Variants in CBR4 observed in about 807,000 individuals in gnomAD.
CBR4 encodes the protein carbonyl reductase 4, also known as 3-oxoacyl-[acyl-carrier-protein] reductase.
In CBR4, 22 loss-of-function variants were observed where a neutral mutation model predicts 21.0. That is an observed-to-expected ratio of 1.05 (90% CI 0.75 to 1.50). The LOEUF is 1.50. Among genes scored for constraint, CBR4 ranks in the 40% most tolerant of loss-of-function variants. The pLI, the probability that CBR4 is intolerant of heterozygous loss-of-function variation, is 0.00. For synonymous variants in CBR4, 100 were observed against 104.4 expected, an observed-to-expected ratio of 0.96 and a Z score of 0.26; for missense variants, 302 against 286.3, an observed-to-expected ratio of 1.05 and a Z score of -0.40.
chr4:168,980,074 A>G (rs2331450), intron 2 of CBR4, among the ~76,000 whole-genome samples: 105,632 of 151,790 alleles, frequency 0.7, 38,181 homozygotes, highest in East Asian at 0.96. Flanking sequence ...GGGTGCAACC[A>G]AAAGAGACAC....
chr4:168,967,904 G>A (rs1021962250), intron 2 of CBR4, among the ~76,000 whole-genome samples: 21 of 152,224 alleles, frequency 1.4e-4, no homozygotes, highest in African/African-American at 4.6e-4. Context: ...GAGTATGGGA[G>A]GAAACATGAT....
intron 3 of CBR4, chr4:169,005,959 T>C (rs1579029161): frequency 8.4e-7 from 1 of 1,188,386 alleles, no homozygotes; most frequent in Non-Finnish European, 1.1e-6. Context: ...GATGGTATAC[T>C]ATTATTTCCA....
At chr4:168,905,535 T>G (rs1757546621) in intron 2 of CBR4, among the ~76,000 whole-genome samples, 1 of 152,100 alleles carries the variant, frequency 6.6e-6, no homozygotes, top group African/African-American at 2.4e-5. Context: ...AAATATATTT[T>G]TCTGCAATAA....
In CBR4 at chr4:168,978,527, C is replaced by G. The variant is rs191231355; in HGVS notation, n.169+23544G>C. On this transcript the variant is annotated intron_variant and non_coding_transcript_variant, in intron 2 of 3. Coordinates refer to the CBR4 transcript ENST00000509108. ...GGCACAGTGCCAAGTGAGGCTCCCC[C>G]CTGCAGGAAAATGGTGAATAAGAGC... is the stretch of plus-strand genomic sequence containing the variant. Among the ~76,000 whole-genome samples, 513 of 152,290 alleles carry G rather than the reference C, an allele frequency of 3.4e-3. No homozygotes were observed. The Middle Eastern group carries it at 0.051, about 15-fold the overall frequency.
At position 168,989,605 on chromosome 4, in the gene CBR4, T is replaced by C. The variant is rs1419171276; in HGVS notation, c.*545A>G. 3 of 985,222 alleles carry C rather than the reference T, an allele frequency of 3.0e-6. No individual in the cohort carries two copies. Among genetic ancestry groups the C allele is most frequent in the East Asian group, 2.3e-4 (2 of 8,832 alleles). 61.0% of individuals were successfully genotyped at this position (985,222 alleles called of 1,614,324 possible). A position where few individuals can be genotyped will look rare whatever the true frequency, so the allele number is the denominator to read the frequency against. On this transcript the variant is annotated 3_prime_UTR_variant, in exon 5 of 5. Transcript: ENST00000306193. ...CTAATCAGTGTCCTCTAAATACTCTTATTTTGGCAACAGCCCACAAGGTTA... is the reference window on the plus strand; with the variant it reads ...CTAATCAGTGTCCTCTAAATACTCTCATTTTGGCAACAGCCCACAAGGTTA...
intron 2 of CBR4, among the ~76,000 whole-genome samples, chr4:168,939,074 C>G (rs1231025085): frequency 6.6e-6 from 1 of 152,182 alleles, no homozygotes; most frequent in East Asian, 1.9e-4. Flanking sequence ...CAGAATCCAG[C>G]AGCACATCAA....
chr4:168,928,454 T>TTTAG, intron 2 of CBR4: 1 of 176,992 alleles, frequency 5.6e-6, no homozygotes, highest in East Asian at 9.5e-5. Context: ...AATATTCAGT[T>TTTAG]TTAGTTTTCT....
rs567487860 is a variant in CBR4 at position 168,957,792 on chromosome 4, A to G, written n.169+44279T>C. Among the ~76,000 whole-genome samples, 11 of 152,154 alleles carry G rather than the reference A, an allele frequency of 7.2e-5. No individual in the cohort carries two copies. The East Asian group carries it at 2.1e-3, about 29-fold the overall frequency. On this transcript the variant is annotated intron_variant and non_coding_transcript_variant, in intron 2 of 3. Transcript: ENST00000509108. ...TTGAACTGTAGTTCCCATAATCCCC[A>G]CATGTCGTGGAAGGGACCCAGTGGG...
chr4:168,910,382 C>G (rs1758684066), intron 2 of CBR4, among the ~76,000 whole-genome samples: 1 of 152,088 alleles, frequency 6.6e-6, no homozygotes, highest in African/African-American at 2.4e-5. Context: ...ACCTTTCAAG[C>G]ACCAGCAGAA....
intron 2 of CBR4, among the ~76,000 whole-genome samples, chr4:168,932,532 C>G (rs1314341623): frequency 6.6e-6 from 1 of 152,178 alleles, no homozygotes; most frequent in African/African-American, 2.4e-5. Flanking sequence ...CAGCAAAAAA[C>G]TTCCCAAGTT....
chr4:169,009,008 A>C (rs1453006313), intron 1 of CBR4: 3 of 454,650 alleles, frequency 6.6e-6, no homozygotes, highest in Non-Finnish European at 4.4e-6. Flanking sequence ...CTCTAGAGCC[A>C]GTAAATCAGG....
chr4:168,989,946 T>G lies in CBR4; in HGVS notation c.*204A>C. The G allele has an allele frequency of 8.2e-7, 1 of 1,220,632 alleles. No homozygotes were observed. Among genetic ancestry groups the G allele is most frequent in the African/African-American group, 1.6e-5 (1 of 63,766 alleles). The allele number at this position is 1,220,632 out of a possible 1,614,324, so 75.6% of individuals were successfully genotyped here. On this transcript the variant is annotated 3_prime_UTR_variant, in exon 5 of 5. Coordinates refer to ENST00000306193, the MANE Select transcript of CBR4 (RefSeq NM_032783.5). ...GAAGGCTTTTTAAACAAAACAACAC[T>G]GATGTAACTTAGACCAAAAAAAAAA...
At chr4:169,009,846 C>A (rs1731256449) in intron 1 of CBR4, 102 bp downstream of exon 1, 7 of 1,140,314 alleles carry the variant, frequency 6.1e-6, no homozygotes, top group East Asian at 5.2e-5. Context: ...ATCGAGTAAC[C>A]CTAGAGCCCT....
chr4:168,931,843 G>C (rs1762978278), intron 2 of CBR4, among the ~76,000 whole-genome samples: 1 of 152,126 alleles, frequency 6.6e-6, no homozygotes, highest in African/African-American at 2.4e-5. Context: ...CTGGATTACA[G>C]CTGAAGAATC....
intron 2 of CBR4, among the ~76,000 whole-genome samples, chr4:168,970,692 G>A (rs1174642619): frequency 6.8e-6 from 1 of 148,130 alleles, no homozygotes; most frequent in African/African-American, 2.5e-5. Context: ...TAATGCCTTT[G>A]CTCCCACTCA....
intron 2 of CBR4, chr4:168,925,171 C>CAACT (rs1322070734): frequency 2.5e-6 from 4 of 1,579,288 alleles, no homozygotes; most frequent in East Asian, 2.2e-5. Flanking sequence ...TCTTTATAAA[C>CAACT]AACTATTGTG....
intron 3 of CBR4, among the ~76,000 whole-genome samples, chr4:169,003,261 C>A (rs1730616810): frequency 6.6e-6 from 1 of 152,146 alleles, no homozygotes; most frequent in Non-Finnish European, 1.5e-5. Flanking sequence ...CATGGCAGGT[C>A]AAAATACCAA....
chr4:168,973,750 G>A (rs1035508299), intron 2 of CBR4, among the ~76,000 whole-genome samples: 3 of 152,154 alleles, frequency 2.0e-5, no homozygotes. Context: ...TTCAGAATTT[G>A]TTTCTTCCTG....
intron 2 of CBR4, among the ~76,000 whole-genome samples, chr4:168,957,179 CT>C (rs1301157169): frequency 7.2e-5 from 11 of 152,140 alleles, no homozygotes; most frequent in Non-Finnish European, 1.6e-4. Context: ...CCACCATTCA[CT>C]TGAAGCCTTT....
Sources: gnomAD v4.1 joint callset for allele counts (sites outside exome capture counted in the v4.1 genomes callset) on GRCh38, gnomAD v4.1.1 for gene constraint, MANE v1.5 for transcripts, NCBI Gene and HGNC (gene_info 2026-07-23, HGNC 2026-07-21) for gene names.